The following GLT8D2 variants were observed in gnomAD, a reference collection of about 807,000 sequenced individuals.
GLT8D2 encodes the protein glycosyltransferase 8 domain-containing protein 2.
GLT8D2 carries 45 observed loss-of-function variants against 44.5 expected under a neutral mutation model. The ratio of observed to expected loss-of-function variants is 1.01; its 90% CI spans 0.80 to 1.30. The LOEUF (loss-of-function observed/expected upper bound fraction) is 1.30. GLT8D2 is among the 50% of genes most tolerant of loss of function. The pLI is 0.00. For missense variants in GLT8D2, 400 were observed against 430.4 expected (o/e 0.93, Z 0.62); for synonymous variants, 156 against 157.2 (o/e 0.99, Z 0.06).
chr12:104,038,051 T>C (rs1425594456), intron 1 of GLT8D2, among the ~76,000 whole-genome samples: 1 of 152,194 alleles, frequency 6.6e-6, no homozygotes, highest in African/African-American at 2.4e-5. Context: ...AACCACATGA[T>C]TATTTCAATA....
At chr12:104,006,959 A>G (rs1438518503) in intron 4 of GLT8D2, among the ~76,000 whole-genome samples, 1 of 152,206 alleles carries the variant, frequency 6.6e-6, no homozygotes, top group African/African-American at 2.4e-5. Flanking sequence ...ACACTGCTAT[A>G]AGATACTGGT....
chr12:104,016,909 GAAGA>G (rs972726281), intron 3 of GLT8D2, among the ~76,000 whole-genome samples: 6 of 146,128 alleles, frequency 4.1e-5, no homozygotes, highest in South Asian at 2.2e-4. Flanking sequence ...AGAAAGAAAG[GAAGA>G]AAGAAAGAAA....
intron 8 of GLT8D2, among the ~76,000 whole-genome samples, chr12:103,995,333 C>T (rs1345867335): frequency 6.6e-6 from 1 of 152,202 alleles, no homozygotes; most frequent in Non-Finnish European, 1.5e-5. Context: ...TTTCCAACTC[C>T]TGTTATTCTC....
chr12:104,030,688 T>C, intron 1 of GLT8D2: 1 of 1,589,688 alleles, frequency 6.3e-7, no homozygotes, highest in East Asian at 2.2e-5. Context: ...TACAACTCAA[T>C]AGCAAAAAAA....
intron 4 of GLT8D2, among the ~76,000 whole-genome samples, chr12:104,008,359 C>A (rs184375123): frequency 6.6e-6 from 1 of 152,082 alleles, no homozygotes; most frequent in African/African-American, 2.4e-5. Flanking sequence ...GCAAAAAGAC[C>A]AGGGGCATTT....
In GLT8D2 at chr12:103,994,401, T is replaced by G. The variant is rs574125536; in HGVS notation, c.701A>C (p.Asn234Thr). The change falls in exon 9 of 11, where the codon AAC becomes ACC. Residue 234 changes from asparagine to threonine, a missense_variant. Asn to Thr is a moderately conservative substitution (Grantham distance 65). Transcript: ENST00000360814. ...GCGCTGGTGCTTCCATTCTGTCATG[T>G]TGGCAACAATCACACCAGGATTGAA... is the stretch of plus-strand genomic sequence containing the variant. ...CSFNPGVIVANMTEWKHQRIT... is the reference protein window; with the variant it reads ...CSFNPGVIVATMTEWKHQRIT... 2.5e-6 allele frequency: 4 copies of G among 1,614,048 alleles called. No individual in the cohort carries two copies. The African/African-American group carries it at 5.3e-5, about 22-fold the overall frequency.
chr12:104,018,209 C>A (rs1877137527), intron 3 of GLT8D2, among the ~76,000 whole-genome samples: 1 of 152,006 alleles, frequency 6.6e-6, no homozygotes, highest in Non-Finnish European at 1.5e-5. Context: ...TGGACTCAAG[C>A]AATCCACCTG....
At chr12:104,052,971 G>A (rs1251321246), upstream of GLT8D2, among the ~76,000 whole-genome samples, 4 of 152,088 alleles carry the variant, frequency 2.6e-5, no homozygotes, top group African/African-American at 9.7e-5. Context: ...GTCACCTCTG[G>A]GAAGTCATAA....
At chr12:104,005,661 T>C in intron 4 of GLT8D2, among the ~76,000 whole-genome samples, 1 of 152,070 alleles carries the variant, frequency 6.6e-6, no homozygotes, top group Non-Finnish European at 1.5e-5. Context: ...ATCAGAGAAA[T>C]GCAAATCAAA....
chr12:104,028,009 C>T (rs558431361), intron 1 of GLT8D2, among the ~76,000 whole-genome samples: 148 of 152,240 alleles, frequency 9.7e-4, no homozygotes, highest in African/African-American at 3.5e-3. Context: ...TGAGACCACT[C>T]CAGAGGCAGA....
chr12:103,999,363 G>C, intron 6 of GLT8D2, 34 bp downstream of exon 6: 1 of 1,194,276 alleles, frequency 8.4e-7, no homozygotes, highest in Non-Finnish European at 1.3e-6. Context: ...TCTCACCAAG[G>C]ACTGTCCCCA....
At chr12:104,015,225 C>T in intron 3 of GLT8D2, 120 bp from the exon 4 acceptor site, 1 of 685,810 alleles carries the variant, frequency 1.5e-6, no homozygotes, top group Non-Finnish European at 2.5e-6. Context: ...TATCTGAGAC[C>T]TTTCTATAAG....
intron 4 of GLT8D2, among the ~76,000 whole-genome samples, chr12:104,004,706 A>G (rs1874729718): frequency 6.6e-6 from 1 of 152,204 alleles, no homozygotes; most frequent in Non-Finnish European, 1.5e-5. Context: ...GAGAACTACA[A>G]ACCACTGCCT....
chr12:104,063,547 T>C (rs1882875633), intron 1 of GLT8D2, among the ~76,000 whole-genome samples: 1 of 152,046 alleles, frequency 6.6e-6, no homozygotes, highest in Non-Finnish European at 1.5e-5. Flanking sequence ...CTAAAATAAA[T>C]AAATAAAAAT....
At position 104,048,885 on chromosome 12, in the gene GLT8D2, G is replaced by A. The variant is rs181684190; in HGVS notation, c.-164+1010C>T. 2.6e-5 allele frequency among the ~76,000 whole-genome samples: 4 copies of A among 152,276 alleles called. No homozygotes were observed. In the East Asian group the frequency reaches 7.7e-4, roughly 29 times the overall value. ...CATGTAATTTCCATTTTACAGATGA[G>A]GAACTAGGGTGCATGCAGTTAAACA... On this transcript the variant is annotated intron_variant, in intron 1 of 10. Transcript: ENST00000360814.
chr12:104,042,881 C>T (rs554484898), intron 1 of GLT8D2, among the ~76,000 whole-genome samples: 11 of 152,228 alleles, frequency 7.2e-5, no homozygotes, highest in East Asian at 1.9e-4. Flanking sequence ...CTGTGGGCTA[C>T]GGGTTGGACA....
At chr12:104,001,332 C>A (rs919245612) in intron 5 of GLT8D2, among the ~76,000 whole-genome samples, 1 of 152,182 alleles carries the variant, frequency 6.6e-6, no homozygotes, top group African/African-American at 2.4e-5. Flanking sequence ...AATGCTGAAA[C>A]TAGCATTGTT....
At chr12:103,990,747 C>G (rs1329533305) in intron 10 of GLT8D2, among the ~76,000 whole-genome samples, 1 of 152,058 alleles carries the variant, frequency 6.6e-6, no homozygotes, top group African/African-American at 2.4e-5. Context: ...CGCAGCATAA[C>G]TGGAATAATT....
intron 1 of GLT8D2, among the ~76,000 whole-genome samples, chr12:104,037,895 A>G (rs539158944): frequency 2.0e-5 from 3 of 152,346 alleles, no homozygotes; most frequent in South Asian, 2.1e-4. Flanking sequence ...GAAATCCTCA[A>G]TAAAATACTG....
Sources: allele counts gnomAD v4.1 joint callset (sites outside exome capture counted in the v4.1 genomes callset), GRCh38; gene constraint gnomAD v4.1.1; transcripts MANE v1.5; gene names NCBI Gene and HGNC (gene_info 2026-07-23, HGNC 2026-07-21).